AKT3: variants seen among roughly 807,000 people sequenced by gnomAD.
The protein encoded by AKT3 is RAC-gamma serine/threonine-protein kinase.
A neutral mutation model predicts 65.3 loss-of-function variants in AKT3; 15 were observed. The observed-to-expected ratio is 0.23, with a 90% CI of 0.15 to 0.35. The LOEUF (loss-of-function observed/expected upper bound fraction) is 0.35, where lower values mean the gene tolerates loss of function less well. Ranked by LOEUF, AKT3 falls within the 10% of genes least tolerant of loss-of-function variation. The pLI, the probability that AKT3 is intolerant of heterozygous loss-of-function variation, is 1.00. For synonymous variants in AKT3, 206 were observed against 183.8 expected, an observed-to-expected ratio of 1.12 and a Z score of -0.98; for missense variants, 243 against 576.5, an observed-to-expected ratio of 0.42 and a Z score of 5.92.
At chr1:243,560,746 C>G (rs1673718733) in intron 10 of AKT3, among the ~76,000 whole-genome samples, 2 of 152,094 alleles carry the variant, frequency 1.3e-5, no homozygotes, top group African/African-American at 4.8e-5. Context: ...ACTCTTCTTG[C>G]ATTAGATTCT....
At chr1:243,649,128 G>T (rs941538329) in intron 4 of AKT3, among the ~76,000 whole-genome samples, 1 of 151,742 alleles carries the variant, frequency 6.6e-6, no homozygotes, top group African/African-American at 2.4e-5. Flanking sequence ...TTTTCTAATG[G>T]CTCTTGTGAG....
At chr1:243,738,464 G>A (rs1054374310) in intron 2 of AKT3, among the ~76,000 whole-genome samples, 1 of 152,148 alleles carries the variant, frequency 6.6e-6, no homozygotes, top group Non-Finnish European at 1.5e-5. Flanking sequence ...TACTGTTAGG[G>A]CTTCAACTTT....
intron 8 of AKT3, among the ~76,000 whole-genome samples, chr1:243,604,538 A>G (rs1467818125): frequency 6.6e-6 from 1 of 152,124 alleles, no homozygotes; most frequent in Non-Finnish European, 1.5e-5. Context: ...CTGTGTAGGA[A>G]TGCTCTCCTT....
chr1:243,808,401 G>A (rs1006660790), intron 2 of AKT3, among the ~76,000 whole-genome samples: 5 of 152,192 alleles, frequency 3.3e-5, no homozygotes, highest in African/African-American at 9.6e-5. Flanking sequence ...TTCAGTAGCC[G>A]ATTCGATCAA....
At chr1:243,620,591 G>T (rs1203010915) in intron 6 of AKT3, among the ~76,000 whole-genome samples, 1 of 151,540 alleles carries the variant, frequency 6.6e-6, no homozygotes, top group Non-Finnish European at 1.5e-5. Context: ...TCTAACTTTT[G>T]TTTCTTGAAA....
chr1:243,785,330 G>A (rs533525600), intron 2 of AKT3, among the ~76,000 whole-genome samples: 6 of 151,308 alleles, frequency 4.0e-5, no homozygotes, highest in East Asian at 1.9e-4. Flanking sequence ...TGCCCGCCTC[G>A]GCCTCCCAAA....
intron 2 of AKT3, among the ~76,000 whole-genome samples, chr1:243,813,259 T>G (rs1008649176): frequency 2.0e-5 from 3 of 152,136 alleles, no homozygotes; most frequent in Non-Finnish European, 4.4e-5. Context: ...TATGCAGTAT[T>G]CTCACCAAAA....
chr1:243,526,794 A>AAAAAAAAAAAAAAAAAAAAAAAAT (rs1481112278), intron 12 of AKT3, among the ~76,000 whole-genome samples: 1 of 145,896 alleles, frequency 6.9e-6, no homozygotes, highest in Non-Finnish European at 1.5e-5. Context: ...AAAAAAAAAA[A>AAAAAAAAAAAAAAAAAAAAAAAAT]AAAAAAAAAA....
At chr1:243,720,488 T>C (rs1686817065) in intron 2 of AKT3, among the ~76,000 whole-genome samples, 1 of 147,772 alleles carries the variant, frequency 6.8e-6, no homozygotes, top group Admixed American at 6.7e-5. Context: ...CAAAATATAA[T>C]TAAAAGCTAA....
At chr1:243,645,776 C>T (rs1680763460) in intron 5 of AKT3, 117 bp downstream of exon 5, 4 of 1,025,908 alleles carry the variant, frequency 3.9e-6, no homozygotes, top group Middle Eastern at 3.2e-4. Context: ...ATAAGACCCA[C>T]CAATATATTT....
intron 11 of AKT3, among the ~76,000 whole-genome samples, chr1:243,550,544 G>C (rs1020272275): frequency 1.3e-5 from 2 of 151,900 alleles, no homozygotes; most frequent in African/African-American, 2.4e-5. Flanking sequence ...TATATAAAGA[G>C]GGCCACAAAG....
rs147275612 is a variant in AKT3 at position 243,545,256 on chromosome 1, G to C, written c.1251+254C>G. ...TTTATTAAAATTAAAGAAATAATGAGAGGCAAACAAATTATTATGGGAAAA... is the reference window on the plus strand; with the variant it reads ...TTTATTAAAATTAAAGAAATAATGACAGGCAAACAAATTATTATGGGAAAA... On this transcript the variant is annotated intron_variant, in intron 12 of 13. Transcript: ENST00000673466. Among the ~76,000 whole-genome samples, 450 of 152,136 alleles carry C rather than the reference G, an allele frequency of 3.0e-3. 3 individuals carry two copies. Among genetic ancestry groups the C allele is most frequent in the Middle Eastern group, 0.01 (3 of 294 alleles).
At chr1:243,583,098 A>ATC (rs1299162973) in intron 8 of AKT3, among the ~76,000 whole-genome samples, 49 of 147,876 alleles carry the variant, frequency 3.3e-4, no homozygotes, top group Admixed American at 5.4e-4. Context: ...ATATATATAT[A>ATC]TATCTCTCTC....
At chr1:243,520,814 C>A (rs1024036186) in intron 12 of AKT3, among the ~76,000 whole-genome samples, 1 of 152,174 alleles carries the variant, frequency 6.6e-6, no homozygotes, top group Non-Finnish European at 1.5e-5. Flanking sequence ...GTGACAGCAA[C>A]GTTGAAGCTC....
intron 5 of AKT3, among the ~76,000 whole-genome samples, chr1:243,644,746 G>T (rs1271654185): frequency 6.6e-6 from 1 of 152,082 alleles, no homozygotes; most frequent in Non-Finnish European, 1.5e-5. Flanking sequence ...AACCATATCA[G>T]ATTTACACTA....
At chr1:243,770,446 T>C (rs529669238) in intron 2 of AKT3, among the ~76,000 whole-genome samples, 1 of 152,214 alleles carries the variant, frequency 6.6e-6, no homozygotes, top group African/African-American at 2.4e-5. Context: ...CCAGAGCTCT[T>C]GCCATAGTAT....
intron 3 of AKT3, among the ~76,000 whole-genome samples, chr1:243,665,327 C>T (rs1458139867): frequency 2.7e-5 from 4 of 150,846 alleles, no homozygotes; most frequent in East Asian, 3.9e-4. Context: ...ATTCTCTTTA[C>T]TTATTACCAT....
chr1:243,536,171 A>G (rs1322050776), intron 12 of AKT3, among the ~76,000 whole-genome samples: 1 of 152,042 alleles, frequency 6.6e-6, no homozygotes, highest in Non-Finnish European at 1.5e-5. Context: ...CCAAACTGTA[A>G]GTTGTCTATT....
chr1:243,600,536 T>C (rs1676933871), intron 8 of AKT3, among the ~76,000 whole-genome samples: 1 of 152,002 alleles, frequency 6.6e-6, no homozygotes, highest in African/African-American at 2.4e-5. Flanking sequence ...TTGACAAGGG[T>C]ACCAAATCAT....
Sources: allele counts gnomAD v4.1 joint callset (sites outside exome capture counted in the v4.1 genomes callset), GRCh38; gene constraint gnomAD v4.1.1; transcripts MANE v1.5; gene names NCBI Gene and HGNC (gene_info 2026-07-23, HGNC 2026-07-21).